The following EPB42 variants were observed in gnomAD, a reference collection of about 807,000 sequenced individuals.
EPB42 encodes the protein erythrocyte membrane protein band 4.2.
In EPB42, 49 loss-of-function variants were observed where a neutral mutation model predicts 76.9. The observed-to-expected ratio is 0.64, with a 90% CI of 0.51 to 0.81. The LOEUF is 0.81. EPB42 is among the 30% of genes least tolerant of loss of function. The pLI is 0.00. For synonymous variants in EPB42, 310 were observed against 338.4 expected, an observed-to-expected ratio of 0.92 and a Z score of 0.92; for missense variants, 731 against 867.6, an observed-to-expected ratio of 0.84 and a Z score of 1.98.
chr15:43,197,600 G>T, intron 12 of EPB42, 136 bp from the exon 13 acceptor site: 1 of 1,023,128 alleles, frequency 9.8e-7, no homozygotes, highest in Non-Finnish European at 1.4e-6. Flanking sequence ...CTATTAAAAT[G>T]GAAGTGTTTA....
chr15:43,207,113 T>A, intron 9 of EPB42, 86 bp downstream of exon 9: 1 of 1,589,838 alleles, frequency 6.3e-7, no homozygotes, highest in Non-Finnish European at 8.6e-7. Context: ...ACAAGTCTCT[T>A]TCTGGCTGCA....
Position 43,211,401 on chromosome 15 carries a change from AGAG to A in EPB42, c.549+12_549+14del, listed in dbSNP as rs2042293805. 4.6e-6 allele frequency: 7 copies of A among 1,508,856 alleles called. No individual in the cohort carries two copies. Among genetic ancestry groups the A allele is most frequent in the Non-Finnish European group, 6.5e-6 (7 of 1,084,080 alleles). The allele number at this position is 1,508,856 out of a possible 1,614,324, so 93.5% of individuals were successfully genotyped here. On this transcript the variant is annotated intron_variant, in intron 4 of 12. Coordinates refer to ENST00000441366, the MANE Select transcript of EPB42 (RefSeq NM_001114134.2). ...CAGTCACTCTACACACTCCTCCCCT[AGAG>A]GGCCCTGGTACCTGGCCAAAGTCCC... is the stretch of plus-strand genomic sequence containing the variant.
At chr15:43,225,664 A>G (rs2042501658), upstream of EPB42, among the ~76,000 whole-genome samples, 1 of 152,170 alleles carries the variant, frequency 6.6e-6, no homozygotes, top group African/African-American at 2.4e-5. Flanking sequence ...AAACAATACT[A>G]AGTGCGTACA....
intron 5 of EPB42, among the ~76,000 whole-genome samples, chr15:43,209,800 C>T (rs957206700): frequency 6.6e-6 from 1 of 152,208 alleles, no homozygotes; most frequent in Non-Finnish European, 1.5e-5. Flanking sequence ...GGCCACTTAT[C>T]CCAAGCTTCT....
At chr15:43,212,475 C>G (rs774184007) in intron 3 of EPB42, among the ~76,000 whole-genome samples, 2 of 152,150 alleles carry the variant, frequency 1.3e-5, no homozygotes, top group Non-Finnish European at 2.9e-5. Context: ...AGGGAGCTTC[C>G]CAATGGCTTG....
At chr15:43,222,723 A>G (rs2042473462), upstream of EPB42, among the ~76,000 whole-genome samples, 1 of 152,256 alleles carries the variant, frequency 6.6e-6, no homozygotes, top group Non-Finnish European at 1.5e-5. Context: ...TATTAAATGT[A>G]TGCTAAATGT....
At chr15:43,208,480 G>C in intron 7 of EPB42, 147 bp from the exon 8 acceptor site, 1 of 1,405,820 alleles carries the variant, frequency 7.1e-7, no homozygotes. Context: ...AGGAAGGGGC[G>C]TGCACACCAT....
chr15:43,204,843 G>A (rs2042175629), intron 10 of EPB42, among the ~76,000 whole-genome samples: 1 of 151,932 alleles, frequency 6.6e-6, no homozygotes, highest in Admixed American at 6.6e-5. Context: ...CCAATGCCAG[G>A]CCACACCCCA....
chr15:43,203,409 T>C (rs1353674964), intron 10 of EPB42, 134 bp from the exon 11 acceptor site: 15 of 1,172,618 alleles, frequency 1.3e-5, no homozygotes, highest in Admixed American at 4.0e-5. Context: ...CCAGCAATTG[T>C]ACACTTGGAA....
intron 1 of EPB42, 153 bp downstream of exon 1, chr15:43,220,663 G>GCCCCC: frequency 3.2e-6 from 1 of 311,584 alleles, no homozygotes; most frequent in South Asian, 2.6e-5. Context: ...CCCCCCCACA[G>GCCCCC]CCACCTCATT....
Position 43,210,347 on chromosome 15 carries a change from C to A in EPB42, c.642G>T (p.Val214=). 6.2e-7 allele frequency: 1 copy of A among 1,613,664 alleles called. No homozygotes were observed. The highest frequency in any genetic ancestry group is 8.5e-7 in the Non-Finnish European group (1 of 1,179,972). The stretch of plus-strand genomic sequence containing the variant: ...GCCTCTCGCTTACCAAGGCACCCAA[C>A]ACACGGGCCACGTGCACCGGCTGGC... ...KWSQPVHVAR[V]LGALLHFLKE... The change falls in exon 5 of 13, where the codon GTG becomes GTT. Residue 214 remains valine (V), a synonymous_variant. Coordinates refer to ENST00000441366, the MANE Select transcript of EPB42 (RefSeq NM_001114134.2).
At chr15:43,223,990 T>C (rs140618279), upstream of EPB42, among the ~76,000 whole-genome samples, 205 of 152,036 alleles carry the variant, frequency 1.3e-3, no homozygotes, top group African/African-American at 4.8e-3. Context: ...TAGAAATAAA[T>C]AAATTAATTA....
intron 7 of EPB42, 145 bp from the exon 8 acceptor site, chr15:43,208,478 G>C: frequency 7.1e-7 from 1 of 1,399,686 alleles, no homozygotes; most frequent in Non-Finnish European, 1.0e-6. Flanking sequence ...CCAGGAAGGG[G>C]CGTGCACACC....
At chr15:43,204,270 C>A in intron 10 of EPB42, among the ~76,000 whole-genome samples, 1 of 152,102 alleles carries the variant, frequency 6.6e-6, no homozygotes, top group East Asian at 1.9e-4. Context: ...TTGCTGGGTG[C>A]CCCCTTTCTT....
rs770138225 is a variant in EPB42 at position 43,197,399 on chromosome 15, C to T, written c.1979G>A (p.Gly660Glu). The T allele has an allele frequency of 7.4e-6, 12 of 1,614,000 alleles. No homozygotes were observed. Among genetic ancestry groups the T allele is most frequent in the African/African-American group, 2.7e-5 (2 of 74,894 alleles). Reference sequence around the variant, plus strand: ...CACTTCCACAGTGAGTCTCTGGAGCCCCACATGTGTTGGCGTGAACTGGAA... The same window carrying T: ...CACTTCCACAGTGAGTCTCTGGAGCTCCACATGTGTTGGCGTGAACTGGAA... ...AKFQFTPTHV[G>E]LQRLTVEVDC... Residue 660 changes from glycine to glutamate, a missense_variant, in exon 13 of 13, where the codon GGG becomes GAG. By Grantham distance (98) the Gly-to-Glu change is moderately conservative. Coordinates refer to ENST00000441366, the MANE Select transcript of EPB42 (RefSeq NM_001114134.2).
Position 43,210,365 on chromosome 15 carries a change from C to T in EPB42, c.624G>A (p.Pro208=), listed in dbSNP as rs142235741. 18 of 1,613,716 alleles carry T rather than the reference C, an allele frequency of 1.1e-5. No homozygotes were observed. The highest frequency in any genetic ancestry group is 1.1e-4 in the African/African-American group (8 of 74,900). The stretch of plus-strand genomic sequence containing the variant: ...CACCCAACACACGGGCCACGTGCAC[C>T]GGCTGGCTCCACTTCTCTACCTGCT... The part of the protein sequence containing the change: ...KDKQVEKWSQ[P]VHVARVLGAL... Residue 208 remains proline (P), a synonymous_variant, in exon 5 of 13, where the codon CCG becomes CCA. Coordinates refer to ENST00000441366, the MANE Select transcript of EPB42 (RefSeq NM_001114134.2).
At chr15:43,212,201 C>G (rs2042308898) in intron 3 of EPB42, among the ~76,000 whole-genome samples, 1 of 152,032 alleles carries the variant, frequency 6.6e-6, no homozygotes, top group African/African-American at 2.4e-5. Context: ...AACCCTGTCT[C>G]TACTAAAAAT....
At chr15:43,211,385 T>G (rs1420656521) in intron 4 of EPB42, 31 bp downstream of exon 4, 15 of 1,362,872 alleles carry the variant, frequency 1.1e-5, no homozygotes, top group Middle Eastern at 1.8e-4. Flanking sequence ...ACAGTCACTC[T>G]ACACACTCCT....
intron 5 of EPB42, 122 bp from the exon 6 acceptor site, chr15:43,209,573 C>G: frequency 1.8e-6 from 2 of 1,099,080 alleles, no homozygotes; most frequent in Non-Finnish European, 2.7e-6. Context: ...AGCATTAGAG[C>G]CACCTGGTAC....
Sources: allele counts gnomAD v4.1 joint callset (sites outside exome capture counted in the v4.1 genomes callset), GRCh38; gene constraint gnomAD v4.1.1; transcripts MANE v1.5; gene names NCBI Gene and HGNC (gene_info 2026-07-23, HGNC 2026-07-21).